SPACA3: variants seen among roughly 807,000 people sequenced by gnomAD.
SPACA3 encodes sperm acrosome associated 3, also known as sperm acrosome membrane-associated protein 3.
SPACA3 carries 21 observed loss-of-function variants against 24.5 expected under a neutral mutation model. The observed-to-expected ratio is 0.86, with a 90% CI of 0.61 to 1.24. The LOEUF is 1.24. SPACA3 is among the 50% of genes most tolerant of loss of function. The pLI is 0.00. For missense variants in SPACA3, 278 were observed against 275.5 expected, an observed-to-expected ratio of 1.01 and a Z score of -0.06; for synonymous variants, 115 against 106.9, an observed-to-expected ratio of 1.08 and a Z score of -0.47.
Position 32,991,896 on chromosome 17 carries a change from T to C in SPACA3, c.-43T>C, listed in dbSNP as rs757675265. 1 of 1,613,268 alleles carries C rather than the reference T, an allele frequency of 6.2e-7. No individual in the cohort carries two copies. Among genetic ancestry groups the C allele is most frequent in the Non-Finnish European group, 8.5e-7 (1 of 1,179,668 alleles). ...CAAGGTTGTGGGGGACATCTTGAGCTGAAGCAGGGTTTTGAGCCACTGCTG... is the reference window on the plus strand; with the variant it reads ...CAAGGTTGTGGGGGACATCTTGAGCCGAAGCAGGGTTTTGAGCCACTGCTG... On this transcript the variant is annotated 5_prime_UTR_variant, in exon 1 of 5. Coordinates refer to ENST00000269053, the MANE Select transcript of SPACA3 (RefSeq NM_173847.5).
intron 1 of SPACA3, 86 bp downstream of exon 1, chr17:32,992,058 G>A: frequency 6.9e-7 from 1 of 1,449,660 alleles, no homozygotes; most frequent in Non-Finnish European, 9.5e-7. Context: ...AAAACAAGGT[G>A]GTGGTTAGGG....
rs1307468926 is a variant in SPACA3, at chr17:32,995,435, CCTT to C, written c.64_66del (p.Ser22del). ...GGTGCACTCAAGCCCTGTTTCTTCT[CCTT>C]CTGTGAGTGGACCACGGAGGCTGGT... On this transcript the variant is annotated inframe_deletion, in exon 2 of 5. Transcript: ENST00000269053. 1 of 1,608,918 alleles carries C rather than the reference CCTT, an allele frequency of 6.2e-7. No homozygotes were observed. The highest frequency in any genetic ancestry group is 1.3e-5 in the African/African-American group (1 of 74,950).
intron 2 of SPACA3, among the ~76,000 whole-genome samples, chr17:32,995,995 C>T (rs950538071): frequency 1.1e-4 from 16 of 152,224 alleles, no homozygotes; most frequent in African/African-American, 3.6e-4. Context: ...CTAAACTTAA[C>T]TATGGCCACA....
intron 3 of SPACA3, 149 bp downstream of exon 3, chr17:32,997,150 A>G (rs2091727239): frequency 1.1e-6 from 1 of 949,922 alleles, no homozygotes; most frequent in Non-Finnish European, 1.5e-6. Flanking sequence ...GGGACAAGGG[A>G]TGAGGGTAGG....
At position 32,995,527 on chromosome 17, in the gene SPACA3, C is replaced by T. The variant is rs139396445; in HGVS notation, c.153C>T (p.Ala51=). 47 of 1,614,088 alleles carry T rather than the reference C, an allele frequency of 2.9e-5. No homozygotes were observed. The highest frequency in any genetic ancestry group is 1.8e-4 in the South Asian group (16 of 91,082). The change falls in exon 2 of 5, where the codon GCC becomes GCT. Residue 51 remains alanine, a synonymous_variant. Coordinates refer to ENST00000269053, the MANE Select transcript of SPACA3 (RefSeq NM_173847.5). ...GTGGTGGTGGCTCCACCTCTGCCGCCGGCATAGAAGCCAGGAGCAGGGCTC... is the reference window on the plus strand; with the variant it reads ...GTGGTGGTGGCTCCACCTCTGCCGCTGGCATAGAAGCCAGGAGCAGGGCTC... ...SQSGGGSTSA[A]GIEARSRALR...
intron 1 of SPACA3, among the ~76,000 whole-genome samples, chr17:32,992,377 C>G (rs1182828375): frequency 2.6e-5 from 4 of 152,124 alleles, no homozygotes; most frequent in Non-Finnish European, 4.4e-5. Flanking sequence ...ACCAGGTTGG[C>G]TGCCTCCTCC....
rs369592296 is a variant in SPACA3 at position 32,992,024 on chromosome 17, G to T, written c.34+52G>T. On this transcript the variant is annotated intron_variant, in intron 1 of 4. Transcript: ENST00000269053. ...GGCTGTTAACAGGGGCGCTGGGTTGGTCTGGCCAGAGACCAGGTGGAGAAA... is the reference window on the plus strand; with the variant it reads ...GGCTGTTAACAGGGGCGCTGGGTTGTTCTGGCCAGAGACCAGGTGGAGAAA... The T allele has an allele frequency of 2.9e-5, 47 of 1,603,114 alleles. No homozygotes were observed. In the African/African-American group the frequency reaches 5.9e-4, roughly 20 times the overall value.
Position 32,995,700 on chromosome 17 carries a change from G to C in SPACA3, c.326G>C (p.Gly109Ala), listed in dbSNP as rs868612830. The C allele has an allele frequency of 6.2e-7, 1 of 1,613,376 alleles. No homozygotes were observed. Among genetic ancestry groups the C allele is most frequent in the Admixed American group, 1.7e-5 (1 of 60,006 alleles). ...LHDFGLDGYR[G>A]YSLADWVCLA... ...GACTTCGGGCTGGACGGATACCGGG[G>C]ATACAGCCTGGCTGACTGTGAGAAC... is the stretch of plus-strand genomic sequence containing the variant. Residue 109 changes from glycine (G) to alanine (A), a missense_variant, in exon 2 of 5, where the codon GGA becomes GCA. Physicochemically the swap from Gly to Ala is moderately conservative, Grantham distance 60. Transcript: ENST00000269053.
Position 32,995,591 on chromosome 17 carries a change from G to T in SPACA3, c.217G>T (p.Ala73Ser). The change falls in exon 2 of 5, where the codon GCC (alanine) becomes TCC (serine). Residue 73 changes from alanine (A) to serine (S), a missense_variant. Transcript: ENST00000269053. Reference sequence around the variant, plus strand: ...GTGCCCAGCTGGGATCATGTTGTTGGCCCTGGTCTGTCTGCTCAGCTGCCT... The same window carrying T: ...GTGCCCAGCTGGGATCATGTTGTTGTCCCTGGTCTGTCTGCTCAGCTGCCT... Reference protein sequence around the residue: ...RWCPAGIMLLALVCLLSCLLP... With the variant: ...RWCPAGIMLLSLVCLLSCLLP... The T allele has an allele frequency of 6.2e-7, 1 of 1,614,224 alleles. No homozygotes were observed. The highest frequency in any genetic ancestry group is 8.5e-7 in the Non-Finnish European group (1 of 1,180,042).
At position 32,995,414 on chromosome 17, in the gene SPACA3, C is replaced by A; in HGVS notation, c.40C>A (p.His14Asn). The A allele has an allele frequency of 6.3e-7, 1 of 1,592,062 alleles. No individual in the cohort carries two copies. The highest frequency in any genetic ancestry group is 8.6e-7 in the Non-Finnish European group (1 of 1,167,780). Residue 14 changes from histidine to asparagine, a missense_variant, in exon 2 of 5, where the codon CAC (histidine) becomes AAC (asparagine). Transcript: ENST00000269053. ...TCTCCTCTCCCCTTTCCCAGGGGTG[C>A]ACTCAAGCCCTGTTTCTTCTCCTTC... The part of the protein sequence containing the change: ...ALRGAPLIRV[H>N]SSPVSSPSVS...
chr17:32,993,110 G>A (rs2091700749), intron 1 of SPACA3: 1 of 370,716 alleles, frequency 2.7e-6, no homozygotes. Flanking sequence ...GGGAAGGAGT[G>A]AAGAATGACA....
At chr17:32,995,764 T>G (rs1256501205) in intron 2 of SPACA3, 47 bp downstream of exon 2, 9 of 1,563,420 alleles carry the variant, frequency 5.8e-6, no homozygotes, top group Non-Finnish European at 7.8e-6. Flanking sequence ...CACACCTCCC[T>G]CCCTCTTTCC....
At chr17:32,992,100 C>A in intron 1 of SPACA3, 128 bp downstream of exon 1, 1 of 877,910 alleles carries the variant, frequency 1.1e-6, no homozygotes, top group Non-Finnish European at 1.7e-6. Flanking sequence ...GAGTGACCAG[C>A]TGAGAGAGGA....
chr17:32,995,341 A>G, intron 1 of SPACA3, 68 bp from the exon 2 acceptor site: 1 of 1,444,364 alleles, frequency 6.9e-7, no homozygotes, highest in Non-Finnish European at 9.4e-7. Context: ...CAGGAATGCA[A>G]GGGGGCTGAT....
At position 32,995,639 on chromosome 17, in the gene SPACA3, C is replaced by A; in HGVS notation, c.265C>A (p.Leu89Ile). The A allele has an allele frequency of 6.2e-7, 1 of 1,614,238 alleles. No homozygotes were observed. The highest frequency in any genetic ancestry group is 8.5e-7 in the Non-Finnish European group (1 of 1,180,042). The change falls in exon 2 of 5, where the codon CTC (leucine) becomes ATC (isoleucine). Residue 89 changes from leucine to isoleucine, a missense_variant. Leu to Ile is a conservative substitution (Grantham distance 5, BLOSUM62 2). Transcript: ENST00000269053. ...SCLLPSSEAK[L>I]YGRCELARVL... ...CCTGCTACCCTCCAGTGAGGCCAAG[C>A]TCTACGGTCGTTGTGAACTGGCCAG... is the stretch of plus-strand genomic sequence containing the variant.
chr17:32,994,207 G>C (rs924292212), intron 1 of SPACA3, among the ~76,000 whole-genome samples: 1 of 152,158 alleles, frequency 6.6e-6, no homozygotes, highest in African/African-American at 2.4e-5. Context: ...GAGTACCAGT[G>C]TTAGTTGTAG....
At position 32,995,814 on chromosome 17, in the gene SPACA3, A is replaced by G. The variant is rs566759555; in HGVS notation, c.343+97A>G. On this transcript the variant is annotated intron_variant, in intron 2 of 4. Coordinates refer to ENST00000269053, the MANE Select transcript of SPACA3 (RefSeq NM_173847.5). ...CTCATTCAAGGGCTGTGGCTTCGGG[A>G]GCTTTTAGAGCCCTTCTGTAAACTG... 185 of 1,331,846 alleles carry G rather than the reference A, an allele frequency of 1.4e-4. No individual in the cohort carries two copies. The African/African-American group carries it at 1.6e-3, about 12-fold the overall frequency. 82.5% of individuals were successfully genotyped at this position (1,331,846 alleles called of 1,614,324 possible).
At chr17:32,993,963 G>A (rs527709571) in intron 1 of SPACA3, among the ~76,000 whole-genome samples, 22 of 152,202 alleles carry the variant, frequency 1.4e-4, no homozygotes, top group Non-Finnish European at 2.5e-4. Context: ...AAACAATGAC[G>A]GGGTGGAGAT....
chr17:32,996,955 C>T lies in SPACA3; in HGVS notation c.456C>T (p.Ser152=), dbSNP rs746071463. ...IFQINSRRWC[S]NLTPNVPNVC... is the part of the protein sequence containing the mutation. ...AGATCAACAGCCGGAGGTGGTGCAG[C>T]AACCTCACCCCGAACGTCCCCAACG... Residue 152 remains serine, a synonymous_variant, in exon 3 of 5, where the codon AGC becomes AGT. Coordinates refer to ENST00000269053, the MANE Select transcript of SPACA3 (RefSeq NM_173847.5). 1.9e-6 allele frequency: 3 copies of T among 1,600,446 alleles called. No individual in the cohort carries two copies. The highest frequency in any genetic ancestry group is 2.6e-6 in the Non-Finnish European group (3 of 1,173,184).
Sources: allele counts gnomAD v4.1 joint callset (sites outside exome capture counted in the v4.1 genomes callset), GRCh38; gene constraint gnomAD v4.1.1; transcripts MANE v1.5; gene names NCBI Gene and HGNC (gene_info 2026-07-23, HGNC 2026-07-21).